The following DRC11 variants were observed in gnomAD, a reference collection of about 807,000 sequenced individuals.
DRC11 encodes the protein IQ and AAA domain-containing protein 1.
the DRC11 span, among the ~76,000 whole-genome samples, chr2:236,356,182 G>A: frequency 6.6e-6 from 1 of 152,262 alleles, no homozygotes; most frequent in Admixed American, 6.5e-5. Flanking sequence ...GAATGTCCAG[G>A]GGCAGAGAGG....
chr2:236,464,817 T>C, the DRC11 span, among the ~76,000 whole-genome samples: 1 of 151,934 alleles, frequency 6.6e-6, no homozygotes, highest in South Asian at 2.1e-4. Flanking sequence ...TAAAAGTATG[T>C]GGCACCACCC....
chr2:236,315,627 G>C, the DRC11 span, among the ~76,000 whole-genome samples: 2 of 152,182 alleles, frequency 1.3e-5, no homozygotes, highest in East Asian at 1.9e-4. The surrounding 1 kb of genome is among the most constrained non-coding windows in gnomAD (Gnocchi z 5.1). Flanking sequence ...TAATAGATTG[G>C]ATAAAGAAAA....
At chr2:236,347,400 T>C in the DRC11 span, among the ~76,000 whole-genome samples, 1 of 151,794 alleles carries the variant, frequency 6.6e-6, no homozygotes, top group African/African-American at 2.4e-5. Context: ...GATACAAAAA[T>C]GATTCTTGCA....
the DRC11 span, among the ~76,000 whole-genome samples, chr2:236,421,624 C>T: frequency 6.6e-6 from 1 of 152,130 alleles, no homozygotes; most frequent in Non-Finnish European, 1.5e-5. Context: ...TGAATTCTAC[C>T]AGAGGTACAA....
the DRC11 span, among the ~76,000 whole-genome samples, chr2:236,379,014 C>G: frequency 7.2e-5 from 11 of 152,170 alleles, no homozygotes; most frequent in African/African-American, 2.7e-4. Context: ...CACACTCCCC[C>G]GACTGTGTTT....
the DRC11 span, among the ~76,000 whole-genome samples, chr2:236,441,905 C>T: frequency 6.6e-6 from 1 of 152,124 alleles, no homozygotes; most frequent in Non-Finnish European, 1.5e-5. Flanking sequence ...AGAGTTTTTG[C>T]TAGATGACTT....
At chr2:236,463,570 C>T in the DRC11 span, among the ~76,000 whole-genome samples, 7 of 151,934 alleles carry the variant, frequency 4.6e-5, no homozygotes, top group African/African-American at 1.5e-4. This position sits in a 1 kb window ranked among gnomAD's most constrained non-coding sequence, Gnocchi z 5.0. Flanking sequence ...AGCAAACATT[C>T]GTAAAGAAAC....
chr2:236,420,493 TA>T, the DRC11 span, among the ~76,000 whole-genome samples: 1 of 151,978 alleles, frequency 6.6e-6, no homozygotes, highest in Non-Finnish European at 1.5e-5. This position sits in a 1 kb window ranked among gnomAD's most constrained non-coding sequence, Gnocchi z 4.8. Context: ...ATGGAGCAAT[TA>T]AAAAATTGGG....
the DRC11 span, among the ~76,000 whole-genome samples, chr2:236,423,496 A>C: frequency 6.6e-6 from 1 of 152,214 alleles, no homozygotes; most frequent in African/African-American, 2.4e-5. Context: ...CAAAACCACA[A>C]TGAGATACCA....
the DRC11 span, among the ~76,000 whole-genome samples, chr2:236,452,829 C>G: frequency 1.3e-5 from 2 of 152,140 alleles, no homozygotes; most frequent in Non-Finnish European, 2.9e-5. This position sits in a 1 kb window ranked among gnomAD's most constrained non-coding sequence, Gnocchi z 4.7. Flanking sequence ...CAGGAACCTC[C>G]CCATCCAACT....
At chr2:236,332,981 G>C in the DRC11 span, 1 of 152,214 alleles carries the variant, frequency 6.6e-6, no homozygotes, top group African/African-American at 2.4e-5. The surrounding 1 kb of genome is among the most constrained non-coding windows in gnomAD (Gnocchi z 5.1). Flanking sequence ...TGAAATCCCT[G>C]ATCTACTCTG....
At chr2:236,413,086 G>A in the DRC11 span, among the ~76,000 whole-genome samples, 5 of 152,318 alleles carry the variant, frequency 3.3e-5, no homozygotes, top group Middle Eastern at 3.4e-3. The surrounding 1 kb of genome is among the most constrained non-coding windows in gnomAD (Gnocchi z 4.0). Flanking sequence ...CCACTCTGGT[G>A]CCTAAGATCA....
At chr2:236,393,125 A>G in the DRC11 span, among the ~76,000 whole-genome samples, 402 of 152,298 alleles carry the variant, frequency 2.6e-3, 3 homozygotes, top group African/African-American at 9.2e-3. The surrounding 1 kb of genome is among the most constrained non-coding windows in gnomAD (Gnocchi z 4.7). Flanking sequence ...AAGACTTGTC[A>G]TTTGGGGAAG....
the DRC11 span, among the ~76,000 whole-genome samples, chr2:236,430,192 A>G: frequency 1.4e-5 from 2 of 140,082 alleles, no homozygotes; most frequent in Admixed American, 7.7e-5. The surrounding 1 kb of genome is among the most constrained non-coding windows in gnomAD (Gnocchi z 6.0). Flanking sequence ...ATGCGAATAT[A>G]CATATAACAC....
At chr2:236,412,708 G>A in the DRC11 span, 1 of 152,182 alleles carries the variant, frequency 6.6e-6, no homozygotes, top group Non-Finnish European at 1.5e-5. Flanking sequence ...CATCCTTCGA[G>A]ATGTCTCTTG....
At chr2:236,342,529 A>G in the DRC11 span, among the ~76,000 whole-genome samples, 1 of 152,152 alleles carries the variant, frequency 6.6e-6, no homozygotes, top group African/African-American at 2.4e-5. The surrounding 1 kb of genome is among the most constrained non-coding windows in gnomAD (Gnocchi z 5.8). Context: ...TGGCCCAGTC[A>G]TGGCTCTGGA....
At chr2:236,441,167 T>C in the DRC11 span, 3 of 1,274,948 alleles carry the variant, frequency 2.4e-6, no homozygotes, top group East Asian at 7.6e-5. Flanking sequence ...AATGAAGTCC[T>C]CTCTTGTTAT....
chr2:236,410,027 A>AT, the DRC11 span, among the ~76,000 whole-genome samples: 1 of 151,662 alleles, frequency 6.6e-6, no homozygotes, highest in Admixed American at 6.6e-5. Flanking sequence ...TTTATTGAGG[A>AT]TTTTTGCATC....
chr2:236,328,680 C>G, the DRC11 span, among the ~76,000 whole-genome samples: 2 of 152,146 alleles, frequency 1.3e-5, no homozygotes, highest in Non-Finnish European at 2.9e-5. This position sits in a 1 kb window ranked among gnomAD's most constrained non-coding sequence, Gnocchi z 6.7. Flanking sequence ...AGCCTTGGCT[C>G]TGTTTTTAAT....
Sources: allele counts gnomAD v4.1 joint callset (sites outside exome capture counted in the v4.1 genomes callset), GRCh38; gene constraint gnomAD v4.1.1; non-coding constraint Gnocchi (gnomAD v3.1); transcripts MANE v1.5; gene names NCBI Gene and HGNC (gene_info 2026-07-23, HGNC 2026-07-21).